The following ADGRL2 variants were observed in gnomAD, a reference collection of about 807,000 sequenced individuals.
The protein encoded by ADGRL2 is adhesion G protein-coupled receptor L2.
Under a neutral mutation model 157.4 loss-of-function variants are expected in ADGRL2, and 44 were observed. The observed-to-expected ratio is 0.28, with a 90% CI of 0.22 to 0.36. ADGRL2 has a LOEUF of 0.36. ADGRL2 is among the 10% of genes least tolerant of loss of function. The pLI is 1.00. For synonymous variants in ADGRL2, 585 were observed against 624.7 expected (o/e 0.94, Z 0.95); for missense variants, 1,510 against 1,768.9 (o/e 0.85, Z 2.63).
intron 3 of ADGRL2, among the ~76,000 whole-genome samples, chr1:81,628,368 G>T (rs1300135835): frequency 6.6e-6 from 1 of 152,100 alleles, no homozygotes; most frequent in Non-Finnish European, 1.5e-5. Context: ...AATCACAGTG[G>T]ATACTTAGTA....
intron 18 of ADGRL2, chr1:81,980,793 A>G (rs1422110768): frequency 2.8e-6 from 2 of 708,520 alleles, no homozygotes; most frequent in South Asian, 1.6e-5. Flanking sequence ...CATCTACACC[A>G]GTAATTACCG....
chr1:81,594,872 T>A (rs936979067), intron 3 of ADGRL2, among the ~76,000 whole-genome samples: 29 of 152,236 alleles, frequency 1.9e-4, no homozygotes, highest in Non-Finnish European at 3.5e-4. Context: ...AAATGTATTA[T>A]TTTATAAGAA....
chr1:81,622,026 A>G (rs1345697994), intron 3 of ADGRL2, among the ~76,000 whole-genome samples: 1 of 152,208 alleles, frequency 6.6e-6, no homozygotes. Context: ...AGTCCTATCC[A>G]ATTCCAAACA....
At chr1:81,601,020 A>C (rs2081323864) in intron 3 of ADGRL2, among the ~76,000 whole-genome samples, 1 of 152,176 alleles carries the variant, frequency 6.6e-6, no homozygotes, top group African/African-American at 2.4e-5. Context: ...TCAAGTAATG[A>C]GTGTGCTTCC....
chr1:81,722,779 A>G, intron 1 of ADGRL2: 2 of 766,318 alleles, frequency 2.6e-6, no homozygotes, highest in Non-Finnish European at 2.3e-6. Flanking sequence ...GAGAGCCCGG[A>G]GGGAGGAAGA....
At chr1:81,620,656 A>G (rs1274270660) in intron 3 of ADGRL2, among the ~76,000 whole-genome samples, 3 of 152,224 alleles carry the variant, frequency 2.0e-5, no homozygotes, top group Admixed American at 6.5e-5. Flanking sequence ...TAACTGTGAT[A>G]TACCCAACAA....
chr1:81,931,387 TC>T (rs1469399949), intron 3 of ADGRL2, among the ~76,000 whole-genome samples: 2 of 152,196 alleles, frequency 1.3e-5, no homozygotes, highest in African/African-American at 4.8e-5. Context: ...AGTGTTGTAC[TC>T]TATATACTTT....
chr1:81,613,546 A>T (rs1172665477), intron 3 of ADGRL2, among the ~76,000 whole-genome samples: 2 of 152,200 alleles, frequency 1.3e-5, no homozygotes, highest in African/African-American at 4.8e-5. Context: ...GCAAGCAATG[A>T]AGAGTGCAGG....
chr1:81,688,558 A>C (rs1185998408), intron 3 of ADGRL2, among the ~76,000 whole-genome samples: 7 of 152,010 alleles, frequency 4.6e-5, no homozygotes, highest in Non-Finnish European at 1.0e-4. Context: ...TTCCTTGAAT[A>C]TTCCTCTCTT....
chr1:81,698,556 A>G (rs140201801), upstream of ADGRL2, among the ~76,000 whole-genome samples: 212 of 152,290 alleles, frequency 1.4e-3, no homozygotes, highest in African/African-American at 4.8e-3. Flanking sequence ...TGGGTAAGAT[A>G]TTGGATGAAA....
chr1:81,572,750 G>A lies in ADGRL2; in HGVS notation c.-247-8126G>A, dbSNP rs538934307. ...GCCAAATTATTTTGCAAAATGCTGG[G>A]TTCAACAAAATTAAACAGATTTCTT... On this transcript the variant is annotated intron_variant, in intron 2 of 24. Coordinates refer to the ADGRL2 transcript ENST00000370721. Among the ~76,000 whole-genome samples the A allele has an allele frequency of 7.2e-5, 11 of 152,076 alleles. No individual in the cohort carries two copies. In the South Asian group the frequency reaches 2.3e-3, roughly 32 times the overall value.
chr1:81,344,793 A>G (rs1304840570), intron 1 of ADGRL2, among the ~76,000 whole-genome samples: 2 of 152,126 alleles, frequency 1.3e-5, no homozygotes, highest in Non-Finnish European at 2.9e-5. Context: ...TAATTTTCCA[A>G]TTTGGCAAAG....
At chr1:81,359,089 A>C (rs2075925520) in intron 1 of ADGRL2, among the ~76,000 whole-genome samples, 1 of 152,096 alleles carries the variant, frequency 6.6e-6, no homozygotes, top group Non-Finnish European at 1.5e-5. Flanking sequence ...AAAATTAAAA[A>C]AAAGAAAGAA....
chr1:81,686,919 A>G (rs187867185), intron 3 of ADGRL2, among the ~76,000 whole-genome samples: 23 of 152,278 alleles, frequency 1.5e-4, no homozygotes, highest in African/African-American at 5.5e-4. Flanking sequence ...AGGTTATTTA[A>G]TTTCCATGCA....
chr1:81,444,912 T>A (rs959544751), intron 1 of ADGRL2: 1 of 152,188 alleles, frequency 6.6e-6, no homozygotes, highest in African/African-American at 2.4e-5. Flanking sequence ...AATGCCTTCA[T>A]CATTTGAATC....
At chr1:81,627,064 T>TA (rs2081925296) in intron 3 of ADGRL2, among the ~76,000 whole-genome samples, 1 of 152,098 alleles carries the variant, frequency 6.6e-6, no homozygotes, top group Admixed American at 6.6e-5. Context: ...GTAGTACCCC[T>TA]AGTAATTTTC....
At chr1:81,687,481 C>T (rs934882126) in intron 3 of ADGRL2, among the ~76,000 whole-genome samples, 4 of 152,094 alleles carry the variant, frequency 2.6e-5, no homozygotes, top group Admixed American at 1.3e-4. Flanking sequence ...TTTTGGTGTC[C>T]ATGTGCATGA....
chr1:81,620,635 A>T (rs927951800), intron 3 of ADGRL2, among the ~76,000 whole-genome samples: 10 of 152,236 alleles, frequency 6.6e-5, no homozygotes, highest in African/African-American at 2.4e-4. Context: ...AATTAAGGAA[A>T]CTAAGTTATA....
intron 14 of ADGRL2, 107 bp from the exon 15 acceptor site, chr1:81,969,071 T>C (rs1047420787): frequency 1.3e-5 from 10 of 793,950 alleles, no homozygotes; most frequent in Non-Finnish European, 2.1e-5. Context: ...AATAGTATTC[T>C]TCAAAGAGTT....
Sources: gnomAD v4.1 joint callset for allele counts (sites outside exome capture counted in the v4.1 genomes callset) on GRCh38, gnomAD v4.1.1 for gene constraint, MANE v1.5 for transcripts, NCBI Gene and HGNC (gene_info 2026-07-23, HGNC 2026-07-21) for gene names.